AZI2: variants seen among roughly 807,000 people sequenced by gnomAD.
AZI2 encodes 5-azacytidine induced 2, also known as 5-azacytidine-induced protein 2.
In AZI2, 22 loss-of-function variants were observed where a neutral mutation model predicts 45.8. The ratio of observed to expected loss-of-function variants is 0.48; its 90% CI spans 0.34 to 0.69. The LOEUF is 0.69. Among genes scored for constraint, AZI2 ranks in the 30% least tolerant of loss-of-function variants. The pLI, the probability that AZI2 is intolerant of heterozygous loss-of-function variation, is 0.01. For missense variants in AZI2, 417 were observed against 441.5 expected (o/e 0.94, Z 0.50); for synonymous variants, 137 against 156.7 (o/e 0.87, Z 0.94).
chr3:28,344,618 G>A (rs1188166864), intron 1 of AZI2, among the ~76,000 whole-genome samples: 1 of 152,024 alleles, frequency 6.6e-6, no homozygotes, highest in African/African-American at 2.4e-5. Flanking sequence ...GCTGGCCCAT[G>A]AAGTCTGATT....
chr3:28,348,151 C>G (rs1271212565), intron 1 of AZI2: 1 of 152,216 alleles, frequency 6.6e-6, no homozygotes, highest in Non-Finnish European at 1.5e-5. Context: ...ATTGGAGAAA[C>G]GACGAATACC....
rs770634538 is a variant in AZI2, at chr3:28,340,552, T to C, written c.66A>G (p.Thr22=). 1.9e-6 allele frequency: 3 copies of C among 1,613,280 alleles called. No individual in the cohort carries two copies. The highest frequency in any genetic ancestry group is 2.5e-6 in the Non-Finnish European group (3 of 1,179,474). Reference sequence around the variant, plus strand: ...CTGAATATATTGAAACTGGAGTCACTGTATCTCTCTTATGGGCTTTTTCAT... The same window carrying C: ...CTGAATATATTGAAACTGGAGTCACCGTATCTCTCTTATGGGCTTTTTCAT... ...LNHEKAHKRD[T]VTPVSIYSGD... Residue 22 remains threonine, a synonymous_variant, in exon 2 of 8, where the codon ACA becomes ACG. Coordinates refer to ENST00000479665, the MANE Select transcript of AZI2 (RefSeq NM_022461.5).
intron 5 of AZI2, among the ~76,000 whole-genome samples, chr3:28,336,037 A>T (rs1345586672): frequency 6.6e-6 from 1 of 152,040 alleles, no homozygotes; most frequent in East Asian, 1.9e-4. Flanking sequence ...TTCTTCTTTT[A>T]ATCTCAGCAC....
chr3:28,330,538 T>TAA lies in AZI2; in HGVS notation c.647+1829_647+1830dup, dbSNP rs1210547332. On this transcript the variant is annotated intron_variant, in intron 6 of 7. Coordinates refer to ENST00000479665, the MANE Select transcript of AZI2 (RefSeq NM_022461.5). ...CAAAGATTAACAAAACACAAGAACA[T>TAA]AAACTGCAAACAGGCAGAAATGATG... Among the ~76,000 whole-genome samples the TAA allele has an allele frequency of 4.6e-5, 7 of 151,182 alleles. No homozygotes were observed. The Admixed American group carries it at 4.6e-4, about 10-fold the overall frequency.
chr3:28,331,626 G>A (rs575442943), intron 6 of AZI2: 35 of 1,168,616 alleles, frequency 3.0e-5, no homozygotes, highest in South Asian at 1.3e-4. Context: ...AAATTGGCCT[G>A]ACACAATTCA....
chr3:28,324,000 G>C lies in AZI2; in HGVS notation c.*42C>G. ...TAATTTCTTGGGAGGACCACTGAAA[G>C]AGATAAGTGTCCTCATGGTGAAATC... is the stretch of plus-strand genomic sequence containing the variant. On this transcript the variant is annotated 3_prime_UTR_variant, in exon 8 of 8. Coordinates refer to ENST00000479665, the MANE Select transcript of AZI2 (RefSeq NM_022461.5). The C allele has an allele frequency of 1.3e-6, 2 of 1,532,724 alleles. No homozygotes were observed. Among genetic ancestry groups the C allele is most frequent in the Non-Finnish European group, 1.8e-6 (2 of 1,132,140 alleles). 94.9% of individuals were successfully genotyped at this position (1,532,724 alleles called of 1,614,324 possible). A position where few individuals can be genotyped will look rare whatever the true frequency, so the allele number is the denominator to read the frequency against.
At chr3:28,345,691 A>G (rs1704197647) in intron 1 of AZI2, among the ~76,000 whole-genome samples, 1 of 152,102 alleles carries the variant, frequency 6.6e-6, no homozygotes, top group South Asian at 2.1e-4. Flanking sequence ...AGATTCAAAC[A>G]TTATTTATTA....
At chr3:28,338,468 T>C in intron 3 of AZI2, 25 bp downstream of exon 3, 5 of 1,509,326 alleles carry the variant, frequency 3.3e-6, no homozygotes, top group Non-Finnish European at 4.5e-6. Context: ...AAAATGCAGA[T>C]GTCATTCGCT....
At position 28,321,985 on chromosome 3, in the gene AZI2, T is replaced by TAAA. The variant is rs1411165438; in HGVS notation, c.*2054_*2056dup. On this transcript the variant is annotated 3_prime_UTR_variant, in exon 8 of 8. Transcript: ENST00000479665. ...TCAGCTAGTATGAAAGAAGTCAACA[T>TAAA]AAAATATTCAATTTTAAATAGATTC... 1 of 151,322 alleles carries TAAA rather than the reference T, an allele frequency of 6.6e-6. No homozygotes were observed. The highest frequency in any genetic ancestry group is 2.4e-5 in the African/African-American group (1 of 41,332). 9.4% of individuals were successfully genotyped at this position (151,322 alleles called of 1,614,324 possible). A position where few individuals can be genotyped will look rare whatever the true frequency, so the allele number is the denominator to read the frequency against.
chr3:28,344,996 A>G (rs1223824283), intron 1 of AZI2, among the ~76,000 whole-genome samples: 1 of 152,090 alleles, frequency 6.6e-6, no homozygotes, highest in Non-Finnish European at 1.5e-5. Flanking sequence ...TCCATAAATA[A>G]ATTTTGCTTT....
Position 28,322,059 on chromosome 3 carries a change from G to C in AZI2, c.*1983C>G, listed in dbSNP as rs1301061190. 1 of 151,236 alleles carries C rather than the reference G, an allele frequency of 6.6e-6. No individual in the cohort carries two copies. Among genetic ancestry groups the C allele is most frequent in the South Asian group, 2.1e-4 (1 of 4,832 alleles). 9.4% of individuals were successfully genotyped at this position (151,236 alleles called of 1,614,324 possible). On this transcript the variant is annotated 3_prime_UTR_variant, in exon 8 of 8. Transcript: ENST00000479665. ...TTTTTGGTTGTTTGAATTTTACCTAGAACAGAGATATCAAGTGTAGATTTA... is the reference window on the plus strand; with the variant it reads ...TTTTTGGTTGTTTGAATTTTACCTACAACAGAGATATCAAGTGTAGATTTA...
At position 28,336,525 on chromosome 3, in the gene AZI2, A is replaced by G. The variant is rs776997281; in HGVS notation, c.588+212T>C. 1.6e-4 allele frequency among the ~76,000 whole-genome samples: 25 copies of G among 152,122 alleles called. 1 individual carries two copies. The highest frequency in any genetic ancestry group is 7.4e-5 in the Non-Finnish European group (5 of 67,998). On this transcript the variant is annotated intron_variant, in intron 5 of 7. Coordinates refer to ENST00000479665, the MANE Select transcript of AZI2 (RefSeq NM_022461.5). ...TCAACCTTTTAAAAAACAAAATTGT[A>G]TAATTTTGTGACAGACTAAAAGTAT...
Position 28,337,971 on chromosome 3 carries a change from G to A in AZI2, c.405C>T (p.Leu135=), listed in dbSNP as rs760178208. 3 of 1,600,432 alleles carry A rather than the reference G, an allele frequency of 1.9e-6. No individual in the cohort carries two copies. The South Asian group carries it at 3.4e-5, about 18-fold the overall frequency. ...TTTCCACCTCTGTCCTCAGCTGGAGGAGTTCTACTTCTTTAGATTGTAGCT... is the reference window on the plus strand; with the variant it reads ...TTTCCACCTCTGTCCTCAGCTGGAGAAGTTCTACTTCTTTAGATTGTAGCT... ...NEQLQSKEVE[L]LQLRTEVETQ... Residue 135 remains leucine, a synonymous_variant, in exon 4 of 8, where the codon CTC becomes CTT. Transcript: ENST00000479665.
chr3:28,331,711 G>C, intron 6 of AZI2: 1 of 1,346,872 alleles, frequency 7.4e-7, no homozygotes, highest in Non-Finnish European at 9.6e-7. Flanking sequence ...TTTTTTATTG[G>C]ATGGAGGGTA....
rs1419907710 is a variant in AZI2 at position 28,340,492 on chromosome 3, G to A, written c.126C>T (p.Val42=). The A allele has an allele frequency of 6.2e-7, 1 of 1,612,908 alleles. No homozygotes were observed. Among genetic ancestry groups the A allele is most frequent in the Non-Finnish European group, 8.5e-7 (1 of 1,179,270 alleles). Residue 42 remains valine (V), a synonymous_variant, in exon 2 of 8, where the codon GTC becomes GTT. Transcript: ENST00000479665. ...GTTTTTTGATGTCTTCATATGCAGT[G>A]ACAAGAGCAAAATGGGAAGCAACAG... ...DESVASHFAL[V]TAYEDIKKRL...
chr3:28,346,245 T>C (rs555506355), intron 1 of AZI2, among the ~76,000 whole-genome samples: 2 of 152,276 alleles, frequency 1.3e-5, no homozygotes, highest in East Asian at 3.9e-4. Context: ...ACCCTGATTA[T>C]AGTTTAGTTC....
In AZI2 at chr3:28,324,215, G is replaced by T. The variant is rs1180368993; in HGVS notation, c.1006C>A (p.His336Asn). 6.2e-7 allele frequency: 1 copy of T among 1,610,482 alleles called. No homozygotes were observed. Among genetic ancestry groups the T allele is most frequent in the Non-Finnish European group, 8.5e-7 (1 of 1,177,580 alleles). Residue 336 changes from histidine to asparagine, a missense_variant, in exon 8 of 8, where the codon CAC becomes AAC. His to Asn is a moderately conservative substitution (Grantham distance 68, BLOSUM62 1). Coordinates refer to ENST00000479665, the MANE Select transcript of AZI2 (RefSeq NM_022461.5). ...IPNDGTCFQE[H>N]SSYGRNSLED... ...AGAGAATTTCTGCCATAAGAACTGT[G>T]TTCCTGAAAGCATGTACCATCATTA...
At chr3:28,345,795 T>C (rs1334965205) in intron 1 of AZI2, among the ~76,000 whole-genome samples, 4 of 152,118 alleles carry the variant, frequency 2.6e-5, no homozygotes, top group Non-Finnish European at 5.9e-5. Flanking sequence ...ATGTCAAAGT[T>C]TGGGATACTA....
At chr3:28,327,483 C>T (rs950486643) in intron 6 of AZI2, among the ~76,000 whole-genome samples, 1 of 150,884 alleles carries the variant, frequency 6.6e-6, no homozygotes, top group Non-Finnish European at 1.5e-5. Context: ...TGGGCTGTCT[C>T]ATAATGTTGG....
Sources: allele counts gnomAD v4.1 joint callset (sites outside exome capture counted in the v4.1 genomes callset), GRCh38; gene constraint gnomAD v4.1.1; transcripts MANE v1.5; gene names NCBI Gene and HGNC (gene_info 2026-07-23, HGNC 2026-07-21).